The following CIMIP4 variants were observed in gnomAD, a reference collection of about 807,000 sequenced individuals.
CIMIP4 encodes ciliary microtubule inner protein 4.
At chr22:37,000,474 C>T in the CIMIP4 span, among the ~76,000 whole-genome samples, 7 of 152,182 alleles carry the variant, frequency 4.6e-5, no homozygotes, top group African/African-American at 1.7e-4. Context: ...GGGAAACTGA[C>T]ACACAGAGAA....
At chr22:37,001,427 A>G in the CIMIP4 span, among the ~76,000 whole-genome samples, 1 of 152,022 alleles carries the variant, frequency 6.6e-6, no homozygotes, top group African/African-American at 2.4e-5. Context: ...CATCCACTAA[A>G]TGCTGTCTTC....
chr22:36,994,222 C>A, the CIMIP4 span, among the ~76,000 whole-genome samples: 28 of 152,270 alleles, frequency 1.8e-4, no homozygotes, highest in African/African-American at 6.3e-4. Context: ...TCAAGCAAAG[C>A]ATATTAATAA....
the CIMIP4 span, among the ~76,000 whole-genome samples, chr22:37,006,823 C>A: frequency 1.7e-4 from 26 of 152,170 alleles, no homozygotes; most frequent in African/African-American, 5.5e-4. Context: ...TGGAATGTGG[C>A]AAAAATGAGG....
chr22:36,994,492 ATTT>A, the CIMIP4 span, among the ~76,000 whole-genome samples: 3 of 151,546 alleles, frequency 2.0e-5, no homozygotes, highest in Admixed American at 2.0e-4. Context: ...CGCCTAGCTA[ATTT>A]TTGTATTTTT....
the CIMIP4 span, among the ~76,000 whole-genome samples, chr22:37,005,104 G>A: frequency 2.6e-5 from 4 of 152,178 alleles, no homozygotes; most frequent in African/African-American, 9.7e-5. Context: ...GCAAGAAACT[G>A]AGGGTGACTT....
the CIMIP4 span, among the ~76,000 whole-genome samples, chr22:36,995,395 C>A: frequency 1.0e-3 from 156 of 152,178 alleles, no homozygotes; most frequent in Non-Finnish European, 1.4e-3. Context: ...TCATGTTAGC[C>A]CACAGGGGTG....
the CIMIP4 span, among the ~76,000 whole-genome samples, chr22:37,000,273 C>T: frequency 6.6e-6 from 1 of 152,130 alleles, no homozygotes; most frequent in Non-Finnish European, 1.5e-5. Flanking sequence ...CGGGGGGTCT[C>T]TATAGGGTGC....
the CIMIP4 span, among the ~76,000 whole-genome samples, chr22:36,995,563 C>T: frequency 6.6e-6 from 1 of 152,196 alleles, no homozygotes; most frequent in Non-Finnish European, 1.5e-5. Context: ...GACTCACGGC[C>T]ATGCCAATAC....
the CIMIP4 span, among the ~76,000 whole-genome samples, chr22:37,003,212 C>T: frequency 6.6e-6 from 1 of 152,252 alleles, no homozygotes; most frequent in Non-Finnish European, 1.5e-5. Context: ...TCCCTAGGCT[C>T]TCATTAAAAA....
chr22:37,001,007 G>A, the CIMIP4 span, among the ~76,000 whole-genome samples: 1 of 152,150 alleles, frequency 6.6e-6, no homozygotes. Flanking sequence ...TGTTATAAAG[G>A]AAGCAATAAC....
the CIMIP4 span, among the ~76,000 whole-genome samples, chr22:36,996,416 A>G: frequency 6.6e-6 from 1 of 152,216 alleles, no homozygotes; most frequent in Non-Finnish European, 1.5e-5. Flanking sequence ...TAATTTTAAA[A>G]AGATATCATT....
chr22:36,994,320 T>TATTATTATC, the CIMIP4 span, among the ~76,000 whole-genome samples: 1 of 152,210 alleles, frequency 6.6e-6, no homozygotes. Context: ...TTATTATTAT[T>TATTATTATC]ATTATTATCA....
chr22:37,004,732 G>C, the CIMIP4 span, among the ~76,000 whole-genome samples: 1 of 151,126 alleles, frequency 6.6e-6, no homozygotes, highest in African/African-American at 2.4e-5. Context: ...CTGTCACCCA[G>C]GCTGGAGTAC....
At chr22:37,005,659 T>C in the CIMIP4 span, among the ~76,000 whole-genome samples, 3 of 152,268 alleles carry the variant, frequency 2.0e-5, no homozygotes, top group South Asian at 6.2e-4. Context: ...GAAAGACCCT[T>C]GTTATGTAGT....
the CIMIP4 span, among the ~76,000 whole-genome samples, chr22:36,998,120 T>C: frequency 6.6e-6 from 1 of 152,240 alleles, no homozygotes. Context: ...GGTGGGATGA[T>C]GGGACATGGA....
the CIMIP4 span, among the ~76,000 whole-genome samples, chr22:36,997,002 A>G: frequency 2.0e-5 from 3 of 152,174 alleles, no homozygotes; most frequent in East Asian, 3.8e-4. Context: ...CTGGGGAAAG[A>G]TTTCTGGTGT....
chr22:36,991,610 A>G, the CIMIP4 span: 1 of 1,610,470 alleles, frequency 6.2e-7, no homozygotes, highest in Non-Finnish European at 8.5e-7. Context: ...TACCATGAAG[A>G]AACCCCAAGT....
chr22:36,999,548 GAGAGA>G, the CIMIP4 span, among the ~76,000 whole-genome samples: 10 of 23,328 alleles, frequency 4.3e-4, no homozygotes, highest in African/African-American at 6.2e-4. Context: ...GAGGGGAGGG[GAGAGA>G]AGGGGAGGGG....
the CIMIP4 span, among the ~76,000 whole-genome samples, chr22:37,000,968 G>GC: frequency 6.6e-6 from 1 of 152,138 alleles, no homozygotes; most frequent in African/African-American, 2.4e-5. Context: ...GCAGATCGTA[G>GC]CCCCTCCTTG....
Sources: gnomAD v4.1 joint callset for allele counts (sites outside exome capture counted in the v4.1 genomes callset) on GRCh38, gnomAD v4.1.1 for gene constraint, MANE v1.5 for transcripts, NCBI Gene and HGNC (gene_info 2026-07-23, HGNC 2026-07-21) for gene names.